The following ADGRE2 variants were observed in gnomAD, a reference collection of about 807,000 sequenced individuals.
ADGRE2 encodes adhesion G protein-coupled receptor E2.
In ADGRE2, 83 loss-of-function variants were observed where a neutral mutation model predicts 100.8. The observed-to-expected ratio is 0.82, with a 90% confidence interval of 0.69 to 0.99. The LOEUF is 0.99. ADGRE2 is among the 50% of genes least tolerant of loss of function. The pLI is 0.00. For synonymous variants in ADGRE2, 355 were observed against 413.0 expected (o/e 0.86, Z 1.70); for missense variants, 814 against 1,035.7 (o/e 0.79, Z 2.94).
At chr19:14,772,899 C>CA (rs113933192) in intron 4 of ADGRE2, among the ~76,000 whole-genome samples, 2,544 of 151,334 alleles carry the variant, frequency 0.017, 66 homozygotes, top group African/African-American at 0.059. Flanking sequence ...GCCAACAGGG[C>CA]AAAACCCCAT....
rs138877990 is a variant in ADGRE2, at chr19:14,756,130, A to G, written c.1192+108T>C. 546 of 944,470 alleles carry G rather than the reference A, an allele frequency of 5.8e-4. 2 individuals carry two copies. The highest frequency in any genetic ancestry group is 1.1e-3 in the Admixed American group (58 of 50,724). The allele number at this position is 944,470 out of a possible 1,614,324, so 58.5% of individuals were successfully genotyped here. A position where few individuals can be genotyped will look rare whatever the true frequency, so the allele number is the denominator to read the frequency against. ...GACTCTCCTCTTACAGCCCCACTCC[A>G]AACATCCCACACTTCCCTTTAATCT... is the stretch of plus-strand genomic sequence containing the variant. On this transcript the variant is annotated intron_variant, in intron 12 of 20. Coordinates refer to ENST00000315576, the MANE Select transcript of ADGRE2 (RefSeq NM_013447.4).
Position 14,746,274 on chromosome 19 carries a change from A to G in ADGRE2, c.2141T>C (p.Leu714Pro). The change falls in exon 18 of 21, where the codon CTC becomes CCC. Residue 714 changes from leucine to proline, a missense_variant. Coordinates refer to ENST00000315576, the MANE Select transcript of ADGRE2 (RefSeq NM_013447.4). ...GGACACTTCACTATTGAGGGAGGAG[A>G]GTCTGTTTTTCAAAATCCAGAGAGT... The part of the protein sequence containing the change: ...LVTLWILKNR[L>P]SSLNSEVSTL... 6.2e-7 allele frequency: 1 copy of G among 1,611,002 alleles called. No individual in the cohort carries two copies. The highest frequency in any genetic ancestry group is 1.1e-5 in the South Asian group (1 of 90,996).
At chr19:14,742,030 C>T in intron 20 of ADGRE2, 1 of 398,578 alleles carries the variant, frequency 2.5e-6, no homozygotes, top group Non-Finnish European at 4.4e-6. Context: ...CTCAAGTGAT[C>T]TTCCTGCTTT....
the ADGRE2 span, among the ~76,000 whole-genome samples, chr19:14,726,831 T>C: frequency 2.6e-5 from 4 of 152,138 alleles, no homozygotes; most frequent in Admixed American, 6.6e-5. Context: ...CACAACCCTT[T>C]AACCAGTCTC....
chr19:14,746,126 C>A, intron 18 of ADGRE2, 106 bp downstream of exon 18: 1 of 663,388 alleles, frequency 1.5e-6, no homozygotes. Flanking sequence ...TTTCTGGGTC[C>A]CTTCAAAAGA....
the ADGRE2 span, among the ~76,000 whole-genome samples, chr19:14,727,172 T>C: frequency 3.3e-5 from 5 of 151,804 alleles, no homozygotes; most frequent in South Asian, 2.1e-4. Context: ...GGACTACAGG[T>C]GTCCGCCACC....
rs374478211 is a variant in ADGRE2, at chr19:14,751,676, C to A, written c.1789-5G>T. 3 of 1,610,664 alleles carry A rather than the reference C, an allele frequency of 1.9e-6. No homozygotes were observed. Among genetic ancestry groups the A allele is most frequent in the Non-Finnish European group, 2.5e-6 (3 of 1,177,228 alleles). Reference sequence around the variant, plus strand: ...GGCGATGATGGAGCACAGCACCTGGCGGAGAAGTAAAAGACGCCCAGAGCG... The same window carrying A: ...GGCGATGATGGAGCACAGCACCTGGAGGAGAAGTAAAAGACGCCCAGAGCG... On this transcript the variant is annotated splice_polypyrimidine_tract_variant and splice_region_variant and intron_variant, in intron 15 of 20. Transcript: ENST00000315576.
intron 20 of ADGRE2, among the ~76,000 whole-genome samples, chr19:14,741,064 C>T (rs1256372957): frequency 1.4e-5 from 2 of 147,134 alleles, no homozygotes; most frequent in African/African-American, 2.5e-5. Flanking sequence ...GATGGGGTCT[C>T]GTTACATTGC....
Position 14,776,875 on chromosome 19 carries a change from A to T in ADGRE2, c.-119T>A, listed in dbSNP as rs1174710636. On this transcript the variant is annotated 5_prime_UTR_variant, in exon 2 of 21. Coordinates refer to ENST00000315576, the MANE Select transcript of ADGRE2 (RefSeq NM_013447.4). ...TCCCGAGGCCAGGACTTTATAAAGG[A>T]GGGGGGGCGGACAGCCGCTGGCCCA... is the stretch of plus-strand genomic sequence containing the variant. The T allele has an allele frequency of 2.0e-6, 3 of 1,528,328 alleles. No homozygotes were observed. The highest frequency in any genetic ancestry group is 1.8e-6 in the Non-Finnish European group (2 of 1,134,152). 94.7% of individuals were successfully genotyped at this position (1,528,328 alleles called of 1,614,324 possible). A position where few individuals can be genotyped will look rare whatever the true frequency, so the allele number is the denominator to read the frequency against.
intron 11 of ADGRE2, among the ~76,000 whole-genome samples, chr19:14,760,195 A>G (rs1043858857): frequency 2.0e-5 from 3 of 152,198 alleles, no homozygotes; most frequent in Non-Finnish European, 4.4e-5. Flanking sequence ...GTAGTTACAA[A>G]AGAGGACTTC....
chr19:14,755,753 G>A lies in ADGRE2; in HGVS notation c.1317C>T (p.Asp439=), dbSNP rs375659312. 1.2e-5 allele frequency: 20 copies of A among 1,614,148 alleles called. No individual in the cohort carries two copies. The highest frequency in any genetic ancestry group is 6.7e-5 in the East Asian group (3 of 44,888). Residue 439 remains aspartate (D), a synonymous_variant, in exon 13 of 21, where the codon GAC becomes GAT. Coordinates refer to ENST00000315576, the MANE Select transcript of ADGRE2 (RefSeq NM_013447.4). ...LHETHQGLLQ[D]GSPILLSDVI... ...CATCTGAGAGCAGGATGGGGGAGCC[G>A]TCCTGCAGCAAGCCCTGGTGTGTCT...
At chr19:14,749,316 A>C (rs1380450492) in intron 16 of ADGRE2, among the ~76,000 whole-genome samples, 1 of 56,144 alleles carries the variant, frequency 1.8e-5, no homozygotes, top group African/African-American at 5.8e-5. Flanking sequence ...TATATGATAT[A>C]TACATATATA....
chr19:14,746,648 C>T (rs964686671), intron 17 of ADGRE2, among the ~76,000 whole-genome samples: 33 of 152,300 alleles, frequency 2.2e-4, no homozygotes, highest in African/African-American at 7.2e-4. Flanking sequence ...CAGGCGTGAG[C>T]CACCACACCG....
chr19:14,730,521 CTT>C (rs1292856685), downstream of ADGRE2, among the ~76,000 whole-genome samples: 5 of 98,104 alleles, frequency 5.1e-5, no homozygotes, highest in Admixed American at 2.9e-4. Context: ...CTTTCTTTTT[CTT>C]TGTCTTCCTC....
At chr19:14,776,703 C>A in intron 2 of ADGRE2, 23 bp downstream of exon 2, 1 of 1,609,974 alleles carries the variant, frequency 6.2e-7, no homozygotes, top group East Asian at 2.2e-5. Context: ...CTACCACCCC[C>A]AGCGGGGCCC....
chr19:14,755,035 T>C lies in ADGRE2; in HGVS notation c.1509A>G (p.Ile503Met). ...GHWATTGCST[I>M]GTRDTSTICR... ...AGATGGTGCTGGTGTCTCTGGTGCCTATTGTGCTGCAGCCTGTGGTGGCCC... is the reference window on the plus strand; with the variant it reads ...AGATGGTGCTGGTGTCTCTGGTGCCCATTGTGCTGCAGCCTGTGGTGGCCC... Residue 503 changes from isoleucine to methionine, a missense_variant, in exon 14 of 21, where the codon ATA becomes ATG. Transcript: ENST00000315576. 6.2e-7 allele frequency: 1 copy of C among 1,614,064 alleles called. No homozygotes were observed. The highest frequency in any genetic ancestry group is 8.5e-7 in the Non-Finnish European group (1 of 1,180,016).
At chr19:14,763,356 A>G (rs1157810311) in intron 11 of ADGRE2, among the ~76,000 whole-genome samples, 1 of 151,910 alleles carries the variant, frequency 6.6e-6, no homozygotes, top group South Asian at 2.1e-4. Flanking sequence ...AAAACAAAAC[A>G]AAACAAAACA....
At chr19:14,741,691 T>A in intron 20 of ADGRE2, 1 of 180,788 alleles carries the variant, frequency 5.5e-6, no homozygotes. Flanking sequence ...TTCACCGTGT[T>A]AGCCAGGATG....
In ADGRE2 at chr19:14,733,486, T is replaced by G. The variant is rs2042697473; in HGVS notation, c.*2750A>C. 1 of 152,060 alleles carries G rather than the reference T, an allele frequency of 6.6e-6. No homozygotes were observed. Among genetic ancestry groups the G allele is most frequent in the Non-Finnish European group, 1.5e-5 (1 of 68,012 alleles). 9.4% of individuals were successfully genotyped at this position (152,060 alleles called of 1,614,324 possible). A position where few individuals can be genotyped will look rare whatever the true frequency, so the allele number is the denominator to read the frequency against. Reference sequence around the variant, plus strand: ...ATAAGCACATTCCTTTCCCTCCAGGTGCACTAAAATAGGGAAGCTAAAAGC... The same window carrying G: ...ATAAGCACATTCCTTTCCCTCCAGGGGCACTAAAATAGGGAAGCTAAAAGC... On this transcript the variant is annotated 3_prime_UTR_variant, in exon 21 of 21. Transcript: ENST00000315576.
Sources: allele counts gnomAD v4.1 joint callset (sites outside exome capture counted in the v4.1 genomes callset), GRCh38; gene constraint gnomAD v4.1.1; transcripts MANE v1.5; gene names NCBI Gene and HGNC (gene_info 2026-07-23, HGNC 2026-07-21).